Variants in MTCL1 observed in about 807,000 individuals in gnomAD.
The protein encoded by MTCL1 is microtubule cross-linking factor 1.
Under a neutral mutation model 141.4 loss-of-function variants are expected in MTCL1, and 79 were observed. The observed-to-expected ratio is 0.56, with a 90% CI of 0.47 to 0.67. The LOEUF is 0.67. Among genes scored for constraint, MTCL1 ranks in the 30% least tolerant of loss-of-function variants. The pLI is 0.00. For synonymous variants in MTCL1, 914 were observed against 875.8 expected (o/e 1.04, Z -0.77); for missense variants, 2,177 against 2,113.9 (o/e 1.03, Z -0.59).
At chr18:8,831,156 T>C in intron 16 of MTCL1, 1 of 989,434 alleles carries the variant, frequency 1.0e-6, no homozygotes, top group Non-Finnish European at 1.2e-6. Flanking sequence ...ATCAGAGGTC[T>C]CTTTGTGGGC....
chr18:8,729,673 A>AATATATAT (rs3051533), intron 4 of MTCL1, among the ~76,000 whole-genome samples: 20 of 131,516 alleles, frequency 1.5e-4, no homozygotes, highest in Non-Finnish European at 2.7e-4. Flanking sequence ...CAAGAAGACA[A>AATATATAT]ATATATATAT....
intron 12 of MTCL1, among the ~76,000 whole-genome samples, chr18:8,814,263 TAAG>T (rs1555672201): frequency 2.0e-5 from 3 of 152,082 alleles, no homozygotes; most frequent in Non-Finnish European, 1.5e-5. Flanking sequence ...TGGAAACCAC[TAAG>T]AAGAATAAAA....
At chr18:8,792,678 G>T (rs1177007514) in intron 7 of MTCL1, among the ~76,000 whole-genome samples, 4 of 152,220 alleles carry the variant, frequency 2.6e-5, no homozygotes, top group Non-Finnish European at 5.9e-5. Flanking sequence ...GCCACTGTGG[G>T]AGCAAGGACA....
At chr18:8,819,561 A>G (rs2076773423) in intron 13 of MTCL1, among the ~76,000 whole-genome samples, 2 of 152,306 alleles carry the variant, frequency 1.3e-5, no homozygotes, top group Admixed American at 1.3e-4. Context: ...CACAAGAGGA[A>G]GTAAATAATT....
chr18:8,807,179 G>A (rs1304681385), intron 11 of MTCL1, 119 bp downstream of exon 10: 4 of 1,066,828 alleles, frequency 3.7e-6, no homozygotes, highest in Non-Finnish European at 4.0e-6. Context: ...AGGAAAAAAA[G>A]AGAGGAGTGG....
chr18:8,826,206 G>T (rs562415659), exon 15 of MTCL1: 2 of 1,606,196 alleles, frequency 1.2e-6, no homozygotes, highest in East Asian at 2.2e-5. Context: ...CTCGCTGGGG[G>T]ACACAGCCGA....
At chr18:8,825,802 G>A in exon 15 of MTCL1, 4 of 1,614,210 alleles carry the variant, frequency 2.5e-6, no homozygotes, top group Non-Finnish European at 3.4e-6. Flanking sequence ...ACCACCACAA[G>A]GGAGAGCCCC....
chr18:8,825,877 T>G (rs752383237), exon 15 of MTCL1: 1 of 1,614,038 alleles, frequency 6.2e-7, no homozygotes, highest in Non-Finnish European at 8.5e-7. Context: ...AGCCCCGTGG[T>G]GCAGGACCCC....
intron 10 of MTCL1, among the ~76,000 whole-genome samples, chr18:8,806,001 C>T (rs994913263): frequency 6.6e-6 from 1 of 152,064 alleles, no homozygotes; most frequent in African/African-American, 2.4e-5. Context: ...ACATATAAAC[C>T]ATTTTAAGTT....
exon 15 of MTCL1, chr18:8,824,777 G>T (rs372260226): frequency 6.2e-7 from 1 of 1,614,146 alleles, no homozygotes; most frequent in East Asian, 2.2e-5. Flanking sequence ...AGGGCCTGCC[G>T]TCCACCAGCA....
At chr18:8,754,193 C>G (rs1323276607) in intron 4 of MTCL1, among the ~76,000 whole-genome samples, 1 of 152,140 alleles carries the variant, frequency 6.6e-6, no homozygotes, top group Non-Finnish European at 1.5e-5. Context: ...GTCTCAGCCT[C>G]CTGCATAGCT....
At position 8,825,069 on chromosome 18, in the gene MTCL1, C is replaced by A. The variant is rs865805673; in HGVS notation, c.3559C>A (p.Gln1187Lys). The change falls in exon 15 of 17, where the codon CAG (glutamine) becomes AAG (lysine). Residue 1187 changes from glutamine to lysine, a missense_variant. Coordinates refer to ENST00000359865, the Ensembl canonical transcript of MTCL1. Reference sequence around the variant, plus strand: ...ACTGCGGAGCCACGTCCTCACCGAGCAGTCGGGGTTGCGCGTGTTACACAG... The same window carrying A: ...ACTGCGGAGCCACGTCCTCACCGAGAAGTCGGGGTTGCGCGTGTTACACAG... 6.2e-6 allele frequency: 10 copies of A among 1,612,230 alleles called. No homozygotes were observed. In the Admixed American group the frequency reaches 1.0e-4, roughly 16 times the overall value.
intron 10 of MTCL1, chr18:8,801,890 A>G (rs541223503): frequency 1.2e-4 from 18 of 152,364 alleles, no homozygotes; most frequent in African/African-American, 4.1e-4. Context: ...ATCACCGGGC[A>G]GACTCTTGGC....
chr18:8,829,498 T>C, intron 16 of MTCL1: 15 of 947,948 alleles, frequency 1.6e-5, no homozygotes, highest in Non-Finnish European at 1.9e-5. Context: ...ACAGAGTAAA[T>C]GCTCAATAAA....
At position 8,783,525 on chromosome 18, in the gene MTCL1, G is replaced by T. The variant is rs757957581; in HGVS notation, c.418-5G>T. 11 of 1,594,198 alleles carry T rather than the reference G, an allele frequency of 6.9e-6. 2 individuals carry two copies. The South Asian group carries it at 1.2e-4, about 18-fold the overall frequency. The stretch of plus-strand genomic sequence containing the variant: ...CCCTTCTCCCGGGCTGTTCTCTCCT[G>T]GCAGGATGACAGTGCCGATTTGAGG... On this transcript the variant is annotated splice_polypyrimidine_tract_variant and splice_region_variant and intron_variant, in intron 5 of 16. Coordinates refer to ENST00000359865, the Ensembl canonical transcript of MTCL1.
intron 4 of MTCL1, among the ~76,000 whole-genome samples, chr18:8,774,645 G>A (rs185025684): frequency 1.1e-3 from 167 of 152,166 alleles, no homozygotes; most frequent in African/African-American, 3.7e-3. Context: ...AAGCCACGAC[G>A]CCCAGCTAAT....
intron 4 of MTCL1, among the ~76,000 whole-genome samples, chr18:8,777,061 C>T (rs1316664035): frequency 1.3e-5 from 2 of 152,058 alleles, no homozygotes; most frequent in Non-Finnish European, 2.9e-5. Context: ...GGTGAAACCC[C>T]GTCTCTACTA....
exon 1 of MTCL1, chr18:8,706,686 G>A (rs2096059553): frequency 4.5e-6 from 7 of 1,546,346 alleles, no homozygotes; most frequent in Non-Finnish European, 5.2e-6. Flanking sequence ...AGATGGAGGA[G>A]CTGCGCTCGG....
exon 17 of MTCL1, chr18:8,832,091 A>T (rs2077208299): frequency 2.6e-6 from 1 of 389,076 alleles, no homozygotes; most frequent in Non-Finnish European, 4.6e-6. Flanking sequence ...TAAGGTATAA[A>T]TAGATTTAAA....
Sources: gnomAD v4.1 joint callset for allele counts (sites outside exome capture counted in the v4.1 genomes callset) on GRCh38, gnomAD v4.1.1 for gene constraint, MANE v1.5 for transcripts, NCBI Gene and HGNC (gene_info 2026-07-23, HGNC 2026-07-21) for gene names.